Variants in BRWD1 observed in about 807,000 individuals in gnomAD.
BRWD1 encodes bromodomain and WD repeat domain containing 1, also known as bromodomain and WD repeat-containing protein 1.
In BRWD1, 82 loss-of-function variants were observed where a neutral mutation model predicts 251.2. The ratio of observed to expected loss-of-function variants is 0.33; its 90% CI spans 0.27 to 0.39. BRWD1 has a LOEUF of 0.39. Ranked by LOEUF, BRWD1 falls within the 10% of genes least tolerant of loss-of-function variation. The probability of loss-of-function intolerance (pLI) is 1.00; values close to 1 mark genes in which losing one functional copy is unlikely to be tolerated. For synonymous variants in BRWD1, 918 were observed against 902.8 expected, an observed-to-expected ratio of 1.02 and a Z score of -0.30; for missense variants, 2,233 against 2,711.6, an observed-to-expected ratio of 0.82 and a Z score of 3.92.
chr21:39,295,537 C>T (rs538392272), intron 7 of BRWD1, among the ~76,000 whole-genome samples: 2 of 151,882 alleles, frequency 1.3e-5, no homozygotes, highest in Non-Finnish European at 2.9e-5. Context: ...AGAACGACTA[C>T]TCTAAATCAC....
intron 37 of BRWD1, among the ~76,000 whole-genome samples, chr21:39,204,461 A>G (rs953040348): frequency 3.3e-5 from 5 of 152,172 alleles, no homozygotes; most frequent in Admixed American, 3.3e-4. Flanking sequence ...ACATAGTCAA[A>G]GAATATAGAA....
intron 13 of BRWD1, among the ~76,000 whole-genome samples, chr21:39,273,868 A>G (rs28665841): frequency 0.1 from 15,496 of 152,262 alleles, 920 homozygotes; most frequent in East Asian, 0.14. Flanking sequence ...AACAAACTCT[A>G]AAGTAAAATC....
chr21:39,315,921 G>T (rs1248044815), upstream of BRWD1: 1 of 152,240 alleles, frequency 6.6e-6, no homozygotes, highest in Admixed American at 6.5e-5. Flanking sequence ...GCTACAATGT[G>T]TGGAAAGGGA....
At chr21:39,311,545 G>C (rs1310131410) in intron 4 of BRWD1, among the ~76,000 whole-genome samples, 1 of 152,134 alleles carries the variant, frequency 6.6e-6, no homozygotes, top group Non-Finnish European at 1.5e-5. Context: ...CGACAACAGC[G>C]TCATAACCAG....
At chr21:39,235,639 C>A in intron 23 of BRWD1, 1 of 221,394 alleles carries the variant, frequency 4.5e-6, no homozygotes, top group South Asian at 8.3e-5. Flanking sequence ...GAAAAACTCC[C>A]CAAATTCTTT....
chr21:39,281,196 T>C (rs1008985114), intron 8 of BRWD1, among the ~76,000 whole-genome samples: 5 of 152,184 alleles, frequency 3.3e-5, no homozygotes, highest in African/African-American at 1.2e-4. Flanking sequence ...AGGGTAACTG[T>C]ACTTTTCAAG....
intron 8 of BRWD1, among the ~76,000 whole-genome samples, chr21:39,285,757 C>G (rs537241244): frequency 6.6e-6 from 1 of 150,536 alleles, no homozygotes; most frequent in South Asian, 2.1e-4. Flanking sequence ...CCCATCTCTA[C>G]TCAAAAAACA....
At chr21:39,245,056 A>T (rs2034136992) in intron 21 of BRWD1, among the ~76,000 whole-genome samples, 1 of 151,572 alleles carries the variant, frequency 6.6e-6, no homozygotes, top group Non-Finnish European at 1.5e-5. Context: ...TCAAAAAAAA[A>T]AGAATGTAAA....
chr21:39,184,587 G>A (rs1408377421), downstream of BRWD1: 2 of 152,218 alleles, frequency 1.3e-5, no homozygotes, highest in Non-Finnish European at 2.9e-5. Context: ...GAGAGAGCCT[G>A]TTGAGATAAA....
At chr21:39,283,288 T>C (rs1362187030) in intron 8 of BRWD1, among the ~76,000 whole-genome samples, 2 of 152,204 alleles carry the variant, frequency 1.3e-5, no homozygotes, top group Non-Finnish European at 2.9e-5. Context: ...GCTGATTTTA[T>C]AGCATAATCA....
At chr21:39,281,115 G>C (rs2035442678) in intron 8 of BRWD1, among the ~76,000 whole-genome samples, 1 of 152,182 alleles carries the variant, frequency 6.6e-6, no homozygotes, top group African/African-American at 2.4e-5. Context: ...TGAACAAAGT[G>C]TTCATTTCTC....
At chr21:39,301,373 T>C (rs2146772199) in intron 4 of BRWD1, among the ~76,000 whole-genome samples, 1 of 152,316 alleles carries the variant, frequency 6.6e-6, no homozygotes, top group African/African-American at 2.4e-5. Context: ...GCTAAGACTC[T>C]ACTGCCTCGT....
rs1332541833 is a variant in BRWD1 at position 39,191,204 on chromosome 21, A to G, written c.*5055T>C. The G allele has an allele frequency of 3.0e-6, 3 of 985,208 alleles. No individual in the cohort carries two copies. The highest frequency in any genetic ancestry group is 1.1e-4 in the East Asian group (1 of 8,814). 61.0% of individuals were successfully genotyped at this position (985,208 alleles called of 1,614,324 possible). A position where few individuals can be genotyped will look rare whatever the true frequency, so the allele number is the denominator to read the frequency against. On this transcript the variant is annotated 3_prime_UTR_variant, in exon 41 of 41. Transcript: ENST00000342449. ...AAGAAACCAGGCCACAGACAATCCA[A>G]TGGCAAACCCCTTTTCCAGCAGGGC...
chr21:39,293,620 C>T (rs2035876216), intron 8 of BRWD1, among the ~76,000 whole-genome samples, 191 bp downstream of exon 8: 1 of 152,168 alleles, frequency 6.6e-6, no homozygotes, highest in Non-Finnish European at 1.5e-5. Flanking sequence ...AATAAGCCTT[C>T]ATGTAAATAT....
At chr21:39,256,962 G>A (rs1483961504) in intron 18 of BRWD1, among the ~76,000 whole-genome samples, 8 of 152,126 alleles carry the variant, frequency 5.3e-5, no homozygotes, top group Non-Finnish European at 4.4e-5. Context: ...TAAATGCCCC[G>A]CTAGTAAACC....
chr21:39,316,421 G>C (rs2036699093), upstream of BRWD1, among the ~76,000 whole-genome samples: 1 of 152,200 alleles, frequency 6.6e-6, no homozygotes, highest in Admixed American at 6.5e-5. Flanking sequence ...ACAGTGATCT[G>C]ATGCTGCAAG....
chr21:39,288,977 ATT>A (rs150828135), intron 8 of BRWD1, among the ~76,000 whole-genome samples: 183 of 152,304 alleles, frequency 1.2e-3, no homozygotes, highest in African/African-American at 4.2e-3. Flanking sequence ...AAAAGTGAGG[ATT>A]ATCTGTTATT....
At chr21:39,298,694 A>G in intron 4 of BRWD1, 112 bp from the exon 5 acceptor site, 1 of 822,442 alleles carries the variant, frequency 1.2e-6, no homozygotes, top group Non-Finnish European at 1.8e-6. Context: ...ACTGTAAAAC[A>G]TGCTGAGAGA....
intron 17 of BRWD1, among the ~76,000 whole-genome samples, chr21:39,262,835 G>A (rs1007915556): frequency 3.3e-5 from 5 of 152,198 alleles, no homozygotes; most frequent in African/African-American, 9.7e-5. Flanking sequence ...AGGTCCTGGG[G>A]ACTTTTGGGG....
Sources: allele counts gnomAD v4.1 joint callset (sites outside exome capture counted in the v4.1 genomes callset), GRCh38; gene constraint gnomAD v4.1.1; transcripts MANE v1.5; gene names NCBI Gene and HGNC (gene_info 2026-07-23, HGNC 2026-07-21).